Variants in CA10 observed in about 807,000 individuals in gnomAD.
CA10 encodes carbonic anhydrase-related protein 10.
Under a neutral mutation model 44.2 loss-of-function variants are expected in CA10, and 14 were observed. The ratio of observed to expected loss-of-function variants is 0.32; its 90% CI spans 0.21 to 0.50. CA10 has a LOEUF of 0.50. Ranked by LOEUF, CA10 falls within the 20% of genes least tolerant of loss-of-function variation. The pLI is 0.99. For synonymous variants in CA10, 159 were observed against 141.6 expected, an observed-to-expected ratio of 1.12 and a Z score of -0.87; for missense variants, 350 against 409.7, an observed-to-expected ratio of 0.85 and a Z score of 1.26.
At chr17:51,945,127 G>A (rs1204850905) in intron 2 of CA10, among the ~76,000 whole-genome samples, 1 of 152,132 alleles carries the variant, frequency 6.6e-6, no homozygotes, top group African/African-American at 2.4e-5. Flanking sequence ...CCCTGCCCTT[G>A]GACAAGAGAA....
At chr17:51,820,556 C>G (rs1002643943) in intron 3 of CA10, among the ~76,000 whole-genome samples, 2 of 152,004 alleles carry the variant, frequency 1.3e-5, no homozygotes, top group Non-Finnish European at 2.9e-5. Flanking sequence ...TTCCTGTATT[C>G]TGAATCATAT....
chr17:51,885,300 G>A (rs76872116), intron 3 of CA10, among the ~76,000 whole-genome samples: 2,086 of 152,158 alleles, frequency 0.014, 54 homozygotes, highest in African/African-American at 0.046. Flanking sequence ...CCAAGAGGAC[G>A]AAGGTCCAAA....
chr17:51,945,330 G>A (rs1983232815), intron 2 of CA10, among the ~76,000 whole-genome samples: 1 of 152,080 alleles, frequency 6.6e-6, no homozygotes, highest in Non-Finnish European at 1.5e-5. Context: ...GGGAGACTGG[G>A]GCTCCATCAA....
chr17:51,885,124 A>T (rs536630117), intron 3 of CA10, among the ~76,000 whole-genome samples: 1 of 152,218 alleles, frequency 6.6e-6, no homozygotes, highest in Non-Finnish European at 1.5e-5. Flanking sequence ...ACCATATGAC[A>T]TACAACATAT....
At chr17:51,672,295 C>T (rs542019945) in intron 4 of CA10, among the ~76,000 whole-genome samples, 3 of 152,316 alleles carry the variant, frequency 2.0e-5, no homozygotes, top group African/African-American at 7.2e-5. Context: ...AGCATGCTAG[C>T]GCTATAAAGT....
chr17:52,026,733 G>A (rs1261583351), intron 2 of CA10, among the ~76,000 whole-genome samples: 1 of 152,086 alleles, frequency 6.6e-6, no homozygotes, highest in Non-Finnish European at 1.5e-5. Context: ...TCACTATTAT[G>A]AGAACAGCAG....
At chr17:52,135,547 T>G (rs557355773) in intron 1 of CA10, among the ~76,000 whole-genome samples, 1 of 152,194 alleles carries the variant, frequency 6.6e-6, no homozygotes, top group Non-Finnish European at 1.5e-5. Context: ...TTATTAAATA[T>G]GTATATTTGG....
intron 3 of CA10, among the ~76,000 whole-genome samples, chr17:51,899,321 T>C (rs1354378850): frequency 6.6e-6 from 1 of 152,182 alleles, no homozygotes; most frequent in Non-Finnish European, 1.5e-5. Context: ...CAAAAGTCAT[T>C]CATTCAGGAG....
At chr17:51,807,976 T>G (rs1403402568) in intron 3 of CA10, among the ~76,000 whole-genome samples, 1 of 152,228 alleles carries the variant, frequency 6.6e-6, no homozygotes, top group East Asian at 1.9e-4. Flanking sequence ...TTAAGATCTG[T>G]GTGCATTTCT....
chr17:52,029,971 C>T (rs1040850951), intron 2 of CA10, among the ~76,000 whole-genome samples: 6 of 152,156 alleles, frequency 3.9e-5, no homozygotes, highest in South Asian at 2.1e-4. Context: ...AGACTTTTTA[C>T]GTCAAGTGAG....
chr17:52,101,370 G>A (rs967262798), intron 1 of CA10, among the ~76,000 whole-genome samples: 3 of 152,202 alleles, frequency 2.0e-5, no homozygotes, highest in Admixed American at 6.5e-5. Flanking sequence ...ATTACTTGAG[G>A]CAAATGTGAC....
rs908136143 is a variant in CA10, at chr17:52,021,243, C to T, written c.136+51076G>A. ...ATTGAGGTTGATTCCATGTCTTTGC[C>T]ATTTTGAATACCACTCCAATGAACA... On this transcript the variant is annotated intron_variant, in intron 2 of 8. Transcript: ENST00000451037. 5.3e-5 allele frequency among the ~76,000 whole-genome samples: 8 copies of T among 152,044 alleles called. No individual in the cohort carries two copies. The South Asian group carries it at 1.7e-3, about 32-fold the overall frequency.
At chr17:52,078,279 T>C (rs1279314792) in intron 1 of CA10, among the ~76,000 whole-genome samples, 3 of 152,114 alleles carry the variant, frequency 2.0e-5, no homozygotes, top group African/African-American at 4.8e-5. Context: ...AATGGTGCAA[T>C]AGGGAACAGA....
chr17:52,070,564 C>T (rs1221428366), intron 2 of CA10: 2 of 152,208 alleles, frequency 1.3e-5, no homozygotes, highest in Non-Finnish European at 2.9e-5. Flanking sequence ...CAAGTCCCAT[C>T]AACTCTGACT....
intron 3 of CA10, among the ~76,000 whole-genome samples, chr17:51,782,377 C>T (rs1005635529): frequency 2.6e-5 from 4 of 152,198 alleles, no homozygotes; most frequent in South Asian, 4.1e-4. Flanking sequence ...GACAAACCAG[C>T]TCATCAGTGA....
intron 2 of CA10, among the ~76,000 whole-genome samples, chr17:51,978,302 A>G (rs573102622): frequency 6.6e-6 from 1 of 152,174 alleles, no homozygotes; most frequent in East Asian, 1.9e-4. Flanking sequence ...CATTAATATA[A>G]GCAAATAGAT....
At chr17:51,820,911 A>G (rs1378681952) in intron 3 of CA10, among the ~76,000 whole-genome samples, 2 of 152,056 alleles carry the variant, frequency 1.3e-5, no homozygotes, top group African/African-American at 4.8e-5. Context: ...TTTATTTTGG[A>G]TAGCAAATCC....
intron 1 of CA10, among the ~76,000 whole-genome samples, chr17:52,136,313 GA>G: frequency 6.6e-6 from 1 of 152,288 alleles, no homozygotes; most frequent in Non-Finnish European, 1.5e-5. Flanking sequence ...TGGAGCTGCA[GA>G]CCATTAGCAT....
intron 4 of CA10, among the ~76,000 whole-genome samples, chr17:51,683,463 A>C (rs976370447): frequency 1.3e-5 from 2 of 152,214 alleles, no homozygotes; most frequent in African/African-American, 4.8e-5. Flanking sequence ...GTGTGGACCA[A>C]ATGAGATAAT....
Sources: gnomAD v4.1 joint callset for allele counts (sites outside exome capture counted in the v4.1 genomes callset) on GRCh38, gnomAD v4.1.1 for gene constraint, MANE v1.5 for transcripts, NCBI Gene and HGNC (gene_info 2026-07-23, HGNC 2026-07-21) for gene names.